The following EEPD1 variants were observed in gnomAD, a reference collection of about 807,000 sequenced individuals.
EEPD1 encodes the protein endonuclease/exonuclease/phosphatase family domain-containing protein 1.
EEPD1 carries 17 observed loss-of-function variants against 46.3 expected under a neutral mutation model. The observed-to-expected ratio is 0.37, with a 90% CI of 0.25 to 0.55. The LOEUF (loss-of-function observed/expected upper bound fraction) is 0.55. Ranked by LOEUF, EEPD1 falls within the 20% of genes least tolerant of loss-of-function variation. The probability of loss-of-function intolerance (pLI) is 0.83; values close to 1 mark genes in which losing one functional copy is unlikely to be tolerated. For missense variants in EEPD1, 673 were observed against 745.6 expected (o/e 0.90, Z 1.13); for synonymous variants, 313 against 315.6 (o/e 0.99, Z 0.09).
intron 2 of EEPD1, among the ~76,000 whole-genome samples, chr7:36,205,088 C>T (rs189863147): frequency 1.1e-4 from 16 of 152,314 alleles, no homozygotes; most frequent in South Asian, 4.1e-4. Flanking sequence ...CTGTCAACCA[C>T]GCTGACTTTT....
At position 36,299,053 on chromosome 7, in the gene EEPD1, G is replaced by A. The variant is rs534483874; in HGVS notation, c.1557G>A (p.Pro519=). 152 of 1,614,126 alleles carry A rather than the reference G, an allele frequency of 9.4e-5. No homozygotes were observed. The highest frequency in any genetic ancestry group is 8.5e-4 in the Admixed American group (51 of 60,012). The change falls in exon 8 of 8, where the codon CCG becomes CCA. Residue 519 remains proline, a synonymous_variant. Coordinates refer to ENST00000242108, the MANE Select transcript of EEPD1 (RefSeq NM_030636.3). ...AAGGCCTCACGAACCCTTGGATTCCGGATAACTGGTCTTGGGGCGGGGTGG... is the reference window on the plus strand; with the variant it reads ...AAGGCCTCACGAACCCTTGGATTCCAGATAACTGGTCTTGGGGCGGGGTGG... ...VREGLTNPWI[P]DNWSWGGVAS...
At chr7:36,165,411 CTTTTTTTTTTTTT>C (rs56236165) in intron 2 of EEPD1, among the ~76,000 whole-genome samples, 4 of 62,062 alleles carry the variant, frequency 6.4e-5, no homozygotes, top group Non-Finnish European at 1.1e-4. Context: ...GATCCATTTC[CTTTTTTTTTTTTT>C]TTTTTTTTTT....
intron 3 of EEPD1, among the ~76,000 whole-genome samples, chr7:36,259,903 G>A (rs1490985569): frequency 6.6e-6 from 1 of 152,148 alleles, no homozygotes; most frequent in South Asian, 2.1e-4. Context: ...TAACCATTTT[G>A]TGTACCATTT....
At chr7:36,250,402 T>TGGAGATGGAGCTGCCCTGAGTGGCCCA (rs1264809940) in intron 3 of EEPD1, among the ~76,000 whole-genome samples, 1 of 152,070 alleles carries the variant, frequency 6.6e-6, no homozygotes, top group Non-Finnish European at 1.5e-5. Flanking sequence ...GGATGGTGCA[T>TGGAGATGGAGCTGCCCTGAGTGGCCCA]GGAGATGGAG....
intron 2 of EEPD1, among the ~76,000 whole-genome samples, chr7:36,211,660 C>T (rs1453931642): frequency 6.6e-6 from 1 of 152,090 alleles, no homozygotes; most frequent in Non-Finnish European, 1.5e-5. Flanking sequence ...CGTGGTGGCT[C>T]ACACCCGTAA....
intron 2 of EEPD1, among the ~76,000 whole-genome samples, chr7:36,181,458 C>G (rs1400853860): frequency 6.6e-6 from 1 of 152,188 alleles, no homozygotes; most frequent in Non-Finnish European, 1.5e-5. Context: ...TATCTTTGCA[C>G]TCCTAACATC....
In EEPD1 at chr7:36,237,547, G is replaced by T. The variant is rs1786476460; in HGVS notation, c.879-1438G>T. On this transcript the variant is annotated intron_variant, in intron 2 of 7. Transcript: ENST00000242108. ...AAGCACCATTCTGTTACCGGAAAGG[G>T]GTCCCCATGTAGACCCCAAAAGAGG... Among the ~76,000 whole-genome samples, 3 of 152,178 alleles carry T rather than the reference G, an allele frequency of 2.0e-5. No individual in the cohort carries two copies. The South Asian group carries it at 6.2e-4, about 31-fold the overall frequency.
chr7:36,198,783 T>A (rs890318892), intron 2 of EEPD1, among the ~76,000 whole-genome samples: 1 of 152,172 alleles, frequency 6.6e-6, no homozygotes, highest in Non-Finnish European at 1.5e-5. Flanking sequence ...CCAGGAGGCC[T>A]CAGCAAGAGC....
intron 6 of EEPD1, among the ~76,000 whole-genome samples, chr7:36,291,153 C>T (rs1787423915): frequency 6.6e-6 from 1 of 152,224 alleles, no homozygotes; most frequent in Non-Finnish European, 1.5e-5. Flanking sequence ...ACGAAAACCT[C>T]CCTCATTATA....
At position 36,219,806 on chromosome 7, in the gene EEPD1, A is replaced by AGAGAGTGTGTGTGT. The variant is rs1341203087; in HGVS notation, c.879-19178_879-19177insAGAGTGTGTGTGTG. Among the ~76,000 whole-genome samples the AGAGAGTGTGTGTGT allele has an allele frequency of 2.9e-3, 218 of 75,414 alleles. 2 individuals are homozygous for AGAGAGTGTGTGTGT. Among genetic ancestry groups the AGAGAGTGTGTGTGT allele is most frequent in the African/African-American group, 9.4e-3 (206 of 21,930 alleles). The allele number at this position is 75,414 out of a possible 152,430, so 49.5% of individuals were successfully genotyped here. On this transcript the variant is annotated intron_variant, in intron 2 of 7. Transcript: ENST00000242108. ...GAGAGAGAGAGAGAGAGAGAGAGAG[A>AGAGAGTGTGTGTGT]GTGTGTGTGTGTGTGTGTGTGTGTG...
chr7:36,287,326 G>A (rs999505934), intron 5 of EEPD1, among the ~76,000 whole-genome samples: 1 of 150,042 alleles, frequency 6.7e-6, no homozygotes, highest in African/African-American at 2.5e-5. Context: ...ATATAGGACT[G>A]CTTAGAAAGA....
In EEPD1 at chr7:36,300,124, C is replaced by T. The variant is rs1030441226; in HGVS notation, c.*918C>T. 1.7e-4 allele frequency: 26 copies of T among 152,342 alleles called. No homozygotes were observed. The highest frequency in any genetic ancestry group is 1.7e-3 in the Admixed American group (26 of 15,292). 9.4% of individuals were successfully genotyped at this position (152,342 alleles called of 1,614,324 possible). A position where few individuals can be genotyped will look rare whatever the true frequency, so the allele number is the denominator to read the frequency against. On this transcript the variant is annotated 3_prime_UTR_variant, in exon 8 of 8. Coordinates refer to ENST00000242108, the MANE Select transcript of EEPD1 (RefSeq NM_030636.3). ...ACTCCAGTTTTTAGCCCGGAGCCTC[C>T]TGTGGTTGACTATCAGGAATGTGTG...
intron 2 of EEPD1, among the ~76,000 whole-genome samples, chr7:36,223,575 G>A (rs150366505): frequency 5.3e-5 from 8 of 152,282 alleles, no homozygotes; most frequent in Non-Finnish European, 7.3e-5. Context: ...TAGTAGATGC[G>A]TAGTAAATAT....
At chr7:36,222,558 G>T (rs1379178158) in intron 2 of EEPD1, among the ~76,000 whole-genome samples, 1 of 152,066 alleles carries the variant, frequency 6.6e-6, no homozygotes, top group African/African-American at 2.4e-5. Context: ...AATGTTTGTT[G>T]CAGATCCTTC....
chr7:36,239,143 G>T (rs1004541798), intron 3 of EEPD1, 107 bp downstream of exon 3: 2 of 1,116,950 alleles, frequency 1.8e-6, no homozygotes, highest in Non-Finnish European at 1.3e-6. Context: ...TGAAAAGACG[G>T]TCAGTTATTT....
intron 3 of EEPD1, among the ~76,000 whole-genome samples, chr7:36,277,405 G>A (rs1160041259): frequency 6.6e-6 from 1 of 152,222 alleles, no homozygotes; most frequent in African/African-American, 2.4e-5. Flanking sequence ...CTTGGTACAG[G>A]TCAACAGGAA....
At chr7:36,254,054 C>A (rs1255339153) in intron 3 of EEPD1, among the ~76,000 whole-genome samples, 2 of 152,086 alleles carry the variant, frequency 1.3e-5, no homozygotes. Flanking sequence ...TCTAATATGG[C>A]ATTTAAATTA....
chr7:36,282,089 G>GT (rs1368831854), intron 4 of EEPD1, among the ~76,000 whole-genome samples: 1 of 152,188 alleles, frequency 6.6e-6, no homozygotes, highest in African/African-American at 2.4e-5. Flanking sequence ...TGGGTTTTAT[G>GT]TTTGGGGGTG....
intron 2 of EEPD1, among the ~76,000 whole-genome samples, chr7:36,216,190 G>C (rs900339676): frequency 1.3e-5 from 2 of 152,176 alleles, no homozygotes; most frequent in Admixed American, 6.5e-5. Context: ...AGGAAGGAGA[G>C]AAGAGGTTCC....
Sources: gnomAD v4.1 joint callset for allele counts (sites outside exome capture counted in the v4.1 genomes callset) on GRCh38, gnomAD v4.1.1 for gene constraint, MANE v1.5 for transcripts, NCBI Gene and HGNC (gene_info 2026-07-23, HGNC 2026-07-21) for gene names.